The following PRKAG2 variants were observed in gnomAD, a reference collection of about 807,000 sequenced individuals.
PRKAG2 encodes the protein 5'-AMP-activated protein kinase subunit gamma-2.
In PRKAG2, 26 loss-of-function variants were observed where a neutral mutation model predicts 69.6. The observed-to-expected ratio is 0.37, with a 90% CI of 0.27 to 0.52. PRKAG2 has a LOEUF of 0.52. Ranked by LOEUF, PRKAG2 falls within the 20% of genes least tolerant of loss-of-function variation. The pLI is 0.90. For missense variants in PRKAG2, 557 were observed against 740.0 expected, an observed-to-expected ratio of 0.75 and a Z score of 2.87; for synonymous variants, 293 against 285.0, an observed-to-expected ratio of 1.03 and a Z score of -0.28.
intron 3 of PRKAG2, among the ~76,000 whole-genome samples, chr7:151,690,859 C>A (rs116218852): frequency 6.6e-6 from 1 of 152,190 alleles, no homozygotes; most frequent in Non-Finnish European, 1.5e-5. Context: ...TCCTGATGCA[C>A]CTCGGGTCTT....
rs762396341 is a variant in PRKAG2, at chr7:151,781,447, C to T, written c.187-16G>A. On this transcript the variant is annotated splice_polypyrimidine_tract_variant and intron_variant, in intron 2 of 15. Coordinates refer to ENST00000287878, the MANE Select transcript of PRKAG2 (RefSeq NM_016203.4). The surrounding 1 kb of genome is among the most constrained non-coding windows in gnomAD (Gnocchi z 6.1). ...GGCTGTCCACCTGCAGAAAAACAGA[C>T]GAATGGATGCAGTCACTCCACGCTC... 5.7e-5 allele frequency: 91 copies of T among 1,594,404 alleles called. No individual in the cohort carries two copies. Among genetic ancestry groups the T allele is most frequent in the South Asian group, 1.1e-4 (10 of 89,116 alleles).
intron 5 of PRKAG2, among the ~76,000 whole-genome samples, chr7:151,620,889 T>G (rs566816239): frequency 1.3e-5 from 2 of 152,294 alleles, no homozygotes; most frequent in African/African-American, 4.8e-5. Context: ...TCACCCACCT[T>G]GGCTTCCCAA....
intron 1 of PRKAG2, chr7:151,790,697 T>G (rs1230219313): frequency 1.3e-5 from 2 of 152,246 alleles, no homozygotes; most frequent in Non-Finnish European, 2.9e-5. Flanking sequence ...GTGGGTCTCT[T>G]ATCGCCCATT....
intron 3 of PRKAG2, among the ~76,000 whole-genome samples, chr7:151,689,227 C>A (rs1835254293): frequency 6.6e-6 from 1 of 152,220 alleles, no homozygotes; most frequent in Non-Finnish European, 1.5e-5. Context: ...TGAACAGATC[C>A]CCTCCTGGGG....
At chr7:151,821,057 T>TCCCGGCCAGAA (rs1223787001) in intron 1 of PRKAG2, among the ~76,000 whole-genome samples, 17 of 7,702 alleles carry the variant, frequency 2.2e-3, no homozygotes, top group Middle Eastern at 0.071. Context: ...AGGAAAGCTG[T>TCCCGGCCAGAA]GGAGACAGGG....
chr7:151,755,756 C>T (rs1283109479), intron 3 of PRKAG2, among the ~76,000 whole-genome samples: 1 of 152,198 alleles, frequency 6.6e-6, no homozygotes, highest in African/African-American at 2.4e-5. Flanking sequence ...TTGTCAACTG[C>T]TGTTTGAAGA....
chr7:151,727,755 T>C (rs1471997474), intron 3 of PRKAG2, among the ~76,000 whole-genome samples: 1 of 152,136 alleles, frequency 6.6e-6, no homozygotes, highest in African/African-American at 2.4e-5. Context: ...CTTCAGGCCC[T>C]GTATCCCCTG....
chr7:151,675,634 G>A lies in PRKAG2; in HGVS notation c.470C>T (p.Ser157Phe). The A allele has an allele frequency of 6.2e-7, 1 of 1,612,674 alleles. No homozygotes were observed. The highest frequency in any genetic ancestry group is 8.5e-7 in the Non-Finnish European group (1 of 1,178,632). ...TGTTGACGGAGAGGAGGAGAGGCCG[G>A]AGGCTGCAGAAGAAACACCAAGGAC... ...IRFFSRSRKT[S>F]GLSSSPSTPT... The change falls in exon 4 of 16, where the codon TCC becomes TTC. Residue 157 changes from serine to phenylalanine, a missense_variant. Coordinates refer to ENST00000287878, the MANE Select transcript of PRKAG2 (RefSeq NM_016203.4).
At chr7:151,601,623 C>A (rs1816092988) in intron 5 of PRKAG2, among the ~76,000 whole-genome samples, 1 of 152,098 alleles carries the variant, frequency 6.6e-6, no homozygotes, top group Non-Finnish European at 1.5e-5. Context: ...GTGGGAGGAC[C>A]ACTCCTGCCC....
intron 6 of PRKAG2, among the ~76,000 whole-genome samples, chr7:151,587,577 A>G (rs532551951): frequency 1.3e-5 from 2 of 152,316 alleles, no homozygotes; most frequent in African/African-American, 2.4e-5. Flanking sequence ...GGTATGATGA[A>G]AAGGGCACTT....
At chr7:151,693,286 G>A (rs1358182569) in intron 3 of PRKAG2, among the ~76,000 whole-genome samples, 3 of 152,152 alleles carry the variant, frequency 2.0e-5, no homozygotes, top group East Asian at 3.9e-4. Flanking sequence ...GGCCCAAGGC[G>A]GCCATAAGGA....
chr7:151,715,429 C>T (rs1360146259), intron 3 of PRKAG2, among the ~76,000 whole-genome samples: 1 of 151,550 alleles, frequency 6.6e-6, no homozygotes, highest in African/African-American at 2.4e-5. Context: ...CTCACTGCAA[C>T]CTCCACTTCC....
At chr7:151,662,278 T>C (rs1373936898) in intron 4 of PRKAG2, among the ~76,000 whole-genome samples, 3 of 152,206 alleles carry the variant, frequency 2.0e-5, no homozygotes, top group Non-Finnish European at 4.4e-5. Context: ...CATTTCTATT[T>C]GATGTCCCAA....
At chr7:151,562,244 C>CCA (rs1563136544) in intron 14 of PRKAG2, among the ~76,000 whole-genome samples, 2 of 38,460 alleles carry the variant, frequency 5.2e-5, no homozygotes, top group Non-Finnish European at 1.2e-4. Flanking sequence ...GACTTTGTCT[C>CCA]AAAAAAAAAA....
chr7:151,833,419 A>C (rs1192145652), intron 1 of PRKAG2, among the ~76,000 whole-genome samples: 4 of 152,264 alleles, frequency 2.6e-5, no homozygotes, highest in Non-Finnish European at 2.9e-5. Context: ...TGAGCGGAGG[A>C]GGCCCTGGAA....
At chr7:151,661,144 C>T (rs878886000) in intron 4 of PRKAG2, among the ~76,000 whole-genome samples, 6 of 152,164 alleles carry the variant, frequency 3.9e-5, no homozygotes, top group East Asian at 1.9e-4. Context: ...CTGACCAATT[C>T]GTGAAAGAAC....
At chr7:151,588,328 C>T (rs867509444) in intron 6 of PRKAG2, among the ~76,000 whole-genome samples, 3 of 151,692 alleles carry the variant, frequency 2.0e-5, no homozygotes, top group Admixed American at 6.6e-5. Context: ...CTTTCCCATG[C>T]TGTTCTCATG....
intron 3 of PRKAG2, among the ~76,000 whole-genome samples, chr7:151,683,058 G>A (rs1379535269): frequency 2.0e-5 from 3 of 152,308 alleles, no homozygotes; most frequent in East Asian, 1.9e-4. Flanking sequence ...TTAGGACGCC[G>A]CCAGCCTCTG....
chr7:151,639,231 C>A (rs1030107392), intron 4 of PRKAG2, among the ~76,000 whole-genome samples: 3 of 152,150 alleles, frequency 2.0e-5, no homozygotes, highest in Non-Finnish European at 4.4e-5. Flanking sequence ...TTGAGACAAC[C>A]CACTTGTCTC....
Sources: allele counts gnomAD v4.1 joint callset (sites outside exome capture counted in the v4.1 genomes callset), GRCh38; gene constraint gnomAD v4.1.1; non-coding constraint Gnocchi (gnomAD v3.1); transcripts MANE v1.5; gene names NCBI Gene and HGNC (gene_info 2026-07-23, HGNC 2026-07-21).